Variants in MTHFD1L observed in about 807,000 individuals in gnomAD.
MTHFD1L encodes the protein methylenetetrahydrofolate dehydrogenase (NADP+ dependent) 1 like.
Under a neutral mutation model 119.5 loss-of-function variants are expected in MTHFD1L, and 81 were observed. The ratio of observed to expected loss-of-function variants is 0.68; its 90% CI spans 0.57 to 0.82. MTHFD1L has a LOEUF of 0.82. MTHFD1L is among the 40% of genes least tolerant of loss of function. MTHFD1L has a pLI of 0.00. For synonymous variants in MTHFD1L, 430 were observed against 475.2 expected (o/e 0.90, Z 1.24); for missense variants, 1,125 against 1,253.4 (o/e 0.90, Z 1.55).
chr6:151,071,193 T>G (rs1196734852), intron 26 of MTHFD1L, among the ~76,000 whole-genome samples: 1 of 151,320 alleles, frequency 6.6e-6, no homozygotes, highest in Non-Finnish European at 1.5e-5. Flanking sequence ...ACATCGCAAT[T>G]GATACAATGG....
intron 11 of MTHFD1L, among the ~76,000 whole-genome samples, chr6:150,929,443 C>G (rs1435383630): frequency 6.6e-6 from 1 of 152,168 alleles, no homozygotes. Context: ...GTGCTTTACT[C>G]CATTTTGGGC....
Position 151,065,386 on chromosome 6 carries a change from G to A in MTHFD1L, c.2848-27081G>A, listed in dbSNP as rs149282408. On this transcript the variant is annotated intron_variant, in intron 26 of 27. Coordinates refer to ENST00000367321, the MANE Select transcript of MTHFD1L (RefSeq NM_015440.5). Reference sequence around the variant, plus strand: ...CTCCAGACAATGGGGCCTTATGCTCGCTGTGTTTGTCAGAACTCTCTTGTG... The same window carrying A: ...CTCCAGACAATGGGGCCTTATGCTCACTGTGTTTGTCAGAACTCTCTTGTG... Among the ~76,000 whole-genome samples the A allele has an allele frequency of 8.7e-4, 133 of 152,256 alleles. 1 individual carries two copies. In the East Asian group the frequency reaches 0.019, roughly 22 times the overall value.
intron 1 of MTHFD1L, among the ~76,000 whole-genome samples, chr6:150,867,812 T>G (rs1030846434): frequency 4.7e-5 from 7 of 150,236 alleles, no homozygotes; most frequent in Middle Eastern, 3.4e-3. Flanking sequence ...TTTTTTTTTT[T>G]TTTGAGACGG....
intron 1 of MTHFD1L, among the ~76,000 whole-genome samples, chr6:150,873,537 G>A (rs183473780): frequency 6.6e-6 from 1 of 152,184 alleles, no homozygotes; most frequent in Non-Finnish European, 1.5e-5. Context: ...ACTTGTCCAC[G>A]CTAGTAAATG....
intron 26 of MTHFD1L, among the ~76,000 whole-genome samples, chr6:151,076,933 CAT>C (rs1432126782): frequency 7.2e-5 from 11 of 152,164 alleles, no homozygotes; most frequent in African/African-American, 2.4e-4. Flanking sequence ...TACACTTTGA[CAT>C]GTGCAGTTTA....
Position 151,034,586 on chromosome 6 carries a change from C to G in MTHFD1L, c.2680C>G (p.Arg894Gly), listed in dbSNP as rs377525704. 1.2e-6 allele frequency: 2 copies of G among 1,608,364 alleles called. No homozygotes were observed. Among genetic ancestry groups the G allele is most frequent in the East Asian group, 2.2e-5 (1 of 44,842 alleles). The change falls in exon 25 of 28, where the codon CGT (arginine) becomes GGT (glycine). Residue 894 changes from arginine to glycine, a missense_variant. Arg to Gly is a moderately radical substitution (Grantham distance 125, BLOSUM62 -2). This residue lies in a region of MTHFD1L where 1,058 missense variants were observed against 1,151.2 expected (regional missense o/e 0.92). Transcript: ENST00000367321. ...LSPEAQAKID[R>G]YTQQGFGNLP... is the part of the protein sequence containing the mutation. ...TCCTGAGGCACAAGCCAAAATAGAT[C>G]GTTACACTCAACAGGTAAAAGTTCT...
chr6:150,904,172 T>C (rs1785511342), intron 7 of MTHFD1L, among the ~76,000 whole-genome samples: 1 of 152,198 alleles, frequency 6.6e-6, no homozygotes, highest in Non-Finnish European at 1.5e-5. Flanking sequence ...TTCTACAGGA[T>C]CTTTAATGAT....
At chr6:150,995,638 T>C (rs1455786998) in intron 20 of MTHFD1L, among the ~76,000 whole-genome samples, 2 of 152,076 alleles carry the variant, frequency 1.3e-5, no homozygotes, top group Non-Finnish European at 2.9e-5. Flanking sequence ...TTCCTTACAT[T>C]AAATTTTCCA....
At chr6:151,099,421 C>T (rs945270632) in intron 27 of MTHFD1L, 2 of 774,574 alleles carry the variant, frequency 2.6e-6, no homozygotes, top group Admixed American at 4.0e-5. Flanking sequence ...AGAGCCACTA[C>T]AGTGAGGCTG....
intron 11 of MTHFD1L, among the ~76,000 whole-genome samples, chr6:150,932,521 C>T (rs1408552235): frequency 6.6e-6 from 1 of 152,092 alleles, no homozygotes; most frequent in African/African-American, 2.4e-5. Flanking sequence ...CCTGTAATCC[C>T]AGCACTTTGG....
chr6:151,077,317 A>G (rs573583360), intron 26 of MTHFD1L, among the ~76,000 whole-genome samples: 105 of 152,340 alleles, frequency 6.9e-4, no homozygotes, highest in African/African-American at 2.5e-3. Context: ...ACATGCAAAT[A>G]ATCTGGAACC....
chr6:150,915,352 A>C (rs1787673663), intron 8 of MTHFD1L, among the ~76,000 whole-genome samples: 1 of 152,206 alleles, frequency 6.6e-6, no homozygotes, highest in Middle Eastern at 3.4e-3. Context: ...TGGCCCAGGG[A>C]AGCCAAAAGA....
intron 1 of MTHFD1L, 51 bp from the exon 2 acceptor site, chr6:150,876,039 T>C: frequency 7.2e-7 from 1 of 1,393,650 alleles, no homozygotes. Context: ...GTGTCAGTCC[T>C]TTCTACTCAT....
chr6:151,033,221 G>A (rs1286439039), intron 24 of MTHFD1L, among the ~76,000 whole-genome samples: 1 of 151,794 alleles, frequency 6.6e-6, no homozygotes, highest in Non-Finnish European at 1.5e-5. Context: ...CCAGGGTCAA[G>A]CGATTCTCCT....
chr6:150,935,520 T>C lies in MTHFD1L; in HGVS notation c.1257-1284T>C, dbSNP rs925709849. On this transcript the variant is annotated intron_variant, in intron 11 of 27. Transcript: ENST00000367321. ...GAAGGACTTGAGAAACTACATGATA[T>C]GATCATTAAAAGAAAAATTTTGCGG... 2.4e-5 allele frequency: 37 copies of C among 1,561,188 alleles called. No individual in the cohort carries two copies. The African/African-American group carries it at 4.4e-4, about 19-fold the overall frequency.
Position 151,047,828 on chromosome 6 carries a change from A to G in MTHFD1L, c.2847+10711A>G, listed in dbSNP as rs1788332832. 2.0e-5 allele frequency among the ~76,000 whole-genome samples: 3 copies of G among 152,184 alleles called. No individual in the cohort carries two copies. In the South Asian group the frequency reaches 6.2e-4, roughly 32 times the overall value. On this transcript the variant is annotated intron_variant, in intron 26 of 27. Transcript: ENST00000367321. ...GGTCTGTTCTCACACTGCTGTAAAGAACTACCTGAGACTGGATAGTTTATA... is the reference window on the plus strand; with the variant it reads ...GGTCTGTTCTCACACTGCTGTAAAGGACTACCTGAGACTGGATAGTTTATA...
intron 26 of MTHFD1L, among the ~76,000 whole-genome samples, chr6:151,087,118 G>A (rs1347796070): frequency 2.6e-5 from 4 of 151,928 alleles, no homozygotes; most frequent in South Asian, 2.1e-4. Context: ...GCATGGCGGC[G>A]GGCACCTGTA....
chr6:150,884,500 C>A (rs550966222), intron 5 of MTHFD1L, among the ~76,000 whole-genome samples: 3 of 152,028 alleles, frequency 2.0e-5, no homozygotes, highest in South Asian at 4.2e-4. Flanking sequence ...AATCTCCAGT[C>A]CTGTCGTAGA....
Position 150,934,968 on chromosome 6 carries a change from A to G in MTHFD1L, c.1257-1836A>G, listed in dbSNP as rs1791802450. ...TTGGGACATTTATTTGCACCTGGAA[A>G]TGGGGAATGGGCTATCAGACCAGAC... is the stretch of plus-strand genomic sequence containing the variant. On this transcript the variant is annotated intron_variant, in intron 11 of 27. Coordinates refer to ENST00000367321, the MANE Select transcript of MTHFD1L (RefSeq NM_015440.5). 4.6e-6 allele frequency: 7 copies of G among 1,531,812 alleles called. No individual in the cohort carries two copies. The East Asian group carries it at 1.6e-4, about 35-fold the overall frequency. 94.9% of individuals were successfully genotyped at this position (1,531,812 alleles called of 1,614,324 possible).
Sources: gnomAD v4.1 joint callset for allele counts (sites outside exome capture counted in the v4.1 genomes callset) on GRCh38, gnomAD v4.1.1 for gene constraint, gnomAD v4.1.1 regional missense constraint, MANE v1.5 for transcripts, NCBI Gene and HGNC (gene_info 2026-07-23, HGNC 2026-07-21) for gene names.